Variants in RBMS1 observed in about 807,000 individuals in gnomAD.
RBMS1 encodes RNA-binding motif, single-stranded-interacting protein 1.
RBMS1 carries 17 observed loss-of-function variants against 62.3 expected under a neutral mutation model. The observed-to-expected ratio is 0.27, with a 90% CI of 0.19 to 0.41. RBMS1 has a LOEUF of 0.41. Ranked by LOEUF, RBMS1 falls within the 10% of genes least tolerant of loss-of-function variation. The pLI, the probability that RBMS1 is intolerant of heterozygous loss-of-function variation, is 1.00. For missense variants in RBMS1, 334 were observed against 504.5 expected (o/e 0.66, Z 3.24); for synonymous variants, 172 against 170.0 (o/e 1.01, Z -0.09).
At chr2:160,339,802 C>T (rs761132709) in intron 2 of RBMS1, among the ~76,000 whole-genome samples, 22 of 152,132 alleles carry the variant, frequency 1.4e-4, no homozygotes, top group Non-Finnish European at 2.6e-4. Flanking sequence ...TGAGTAAACA[C>T]ACAGCAACAT....
At chr2:160,379,214 C>A (rs1413530645) in intron 1 of RBMS1, among the ~76,000 whole-genome samples, 3 of 143,546 alleles carry the variant, frequency 2.1e-5, no homozygotes, top group African/African-American at 4.9e-5. Flanking sequence ...AGAGGAAGAA[C>A]CTGTCTTAAA....
chr2:160,398,927 C>T (rs1695295954), intron 1 of RBMS1, among the ~76,000 whole-genome samples: 1 of 152,126 alleles, frequency 6.6e-6, no homozygotes, highest in Admixed American at 6.5e-5. Context: ...TTCACACTGC[C>T]ACATTTTACA....
intron 1 of RBMS1, among the ~76,000 whole-genome samples, chr2:160,393,691 C>T (rs1160420707): frequency 6.6e-6 from 1 of 151,038 alleles, no homozygotes; most frequent in Non-Finnish European, 1.5e-5. Context: ...GCAGGAGACG[C>T]ACTTGAATCT....
rs148336027 is a variant in RBMS1 at position 160,324,749 on chromosome 2, A to C, written c.252-6522T>G. On this transcript the variant is annotated intron_variant, in intron 2 of 13. Transcript: ENST00000348849. Reference sequence around the variant, plus strand: ...ATTGAAATGAGAAAAAGAAGAGAAAAATAAAACATCAACATCAGAAAACTT... The same window carrying C: ...ATTGAAATGAGAAAAAGAAGAGAAACATAAAACATCAACATCAGAAAACTT... 2.5e-4 allele frequency among the ~76,000 whole-genome samples: 38 copies of C among 151,600 alleles called. 1 individual carries two copies. The Middle Eastern group carries it at 0.01, about 41-fold the overall frequency.
chr2:160,388,956 A>G (rs549964858), intron 1 of RBMS1, among the ~76,000 whole-genome samples: 1 of 152,348 alleles, frequency 6.6e-6, no homozygotes, highest in Non-Finnish European at 1.5e-5. Context: ...GCATAGAGTA[A>G]TTTCCACATG....
At chr2:160,362,575 G>A (rs568469365) in intron 2 of RBMS1, among the ~76,000 whole-genome samples, 1 of 152,108 alleles carries the variant, frequency 6.6e-6, no homozygotes, top group Non-Finnish European at 1.5e-5. Flanking sequence ...TCCTATATGG[G>A]AATGGTTTGT....
intron 1 of RBMS1, among the ~76,000 whole-genome samples, chr2:160,441,431 A>C (rs575568850): frequency 6.6e-6 from 1 of 152,350 alleles, no homozygotes; most frequent in African/African-American, 2.4e-5. Context: ...ACGTATGTTT[A>C]ACTTTTAAGA....
chr2:160,389,160 G>T (rs1170132423), intron 1 of RBMS1, among the ~76,000 whole-genome samples: 2 of 152,170 alleles, frequency 1.3e-5, no homozygotes, highest in Non-Finnish European at 2.9e-5. Context: ...TGACCGATAA[G>T]TATACCTAAC....
At chr2:160,342,897 C>T (rs1691958951) in intron 2 of RBMS1, among the ~76,000 whole-genome samples, 1 of 152,058 alleles carries the variant, frequency 6.6e-6, no homozygotes, top group African/African-American at 2.4e-5. Flanking sequence ...GAGATCATGC[C>T]ATCGCATTCC....
intron 1 of RBMS1, among the ~76,000 whole-genome samples, chr2:160,440,562 T>A (rs1024943157): frequency 2.0e-5 from 3 of 151,904 alleles, no homozygotes; most frequent in Non-Finnish European, 4.4e-5. Flanking sequence ...TCCCCATCTC[T>A]CCCCCACCCT....
At position 160,318,229 on chromosome 2, in the gene RBMS1, T is replaced by TAAAAAAAAAAAAA. The variant is rs5835799; in HGVS notation, c.252-15_252-3dup. On this transcript the variant is annotated splice_polypyrimidine_tract_variant and splice_region_variant and intron_variant, in intron 2 of 13. Coordinates refer to ENST00000348849, the MANE Select transcript of RBMS1 (RefSeq NM_016836.4). ...TTTGTGGAGACTATTTTCCCATATC[T>TAAAAAAAAAAAAA]AAAAAAAAAAAAAAAAAAAAAAAGG... 63 of 1,164,690 alleles carry TAAAAAAAAAAAAA rather than the reference T, an allele frequency of 5.4e-5. No individual in the cohort carries two copies. The highest frequency in any genetic ancestry group is 3.3e-4 in the Admixed American group (6 of 18,084). The allele number at this position is 1,164,690 out of a possible 1,614,324, so 72.1% of individuals were successfully genotyped here.
chr2:160,334,108 A>G (rs984051120), intron 2 of RBMS1, among the ~76,000 whole-genome samples: 1 of 152,200 alleles, frequency 6.6e-6, no homozygotes, highest in Non-Finnish European at 1.5e-5. Context: ...GAAATCCTCC[A>G]TCAATGTTCA....
chr2:160,429,438 T>C (rs1295376530), intron 1 of RBMS1, among the ~76,000 whole-genome samples: 1 of 152,232 alleles, frequency 6.6e-6, no homozygotes, highest in African/African-American at 2.4e-5. Flanking sequence ...CTTTTGCCAC[T>C]AGAGGGAGTT....
At chr2:160,391,214 C>T (rs887888245) in intron 1 of RBMS1, among the ~76,000 whole-genome samples, 2 of 148,482 alleles carry the variant, frequency 1.3e-5, no homozygotes, top group Non-Finnish European at 3.0e-5. Flanking sequence ...TGACTGGTAG[C>T]CTTATTAAAA....
chr2:160,327,620 C>A (rs189170087), intron 2 of RBMS1, among the ~76,000 whole-genome samples: 1 of 152,248 alleles, frequency 6.6e-6, no homozygotes, highest in African/African-American at 2.4e-5. Context: ...CACAAAAGGT[C>A]ATTTACATTA....
At chr2:160,374,075 C>A (rs1693869673) in intron 1 of RBMS1, among the ~76,000 whole-genome samples, 1 of 151,968 alleles carries the variant, frequency 6.6e-6, no homozygotes, top group African/African-American at 2.4e-5. Flanking sequence ...GGGGTTGAGA[C>A]CAACCTGAAT....
At position 160,452,311 on chromosome 2, in the gene RBMS1, T is replaced by A. The variant is rs371622946; in HGVS notation, c.75+40978A>T. On this transcript the variant is annotated intron_variant, in intron 1 of 13. Transcript: ENST00000348849. Reference sequence around the variant, plus strand: ...ATGGTGAGCTAATAAGTACAGTCATTCCTCATCCATGGGAGATGGGTTCCA... The same window carrying A: ...ATGGTGAGCTAATAAGTACAGTCATACCTCATCCATGGGAGATGGGTTCCA... Among the ~76,000 whole-genome samples, 12 of 152,282 alleles carry A rather than the reference T, an allele frequency of 7.9e-5. No individual in the cohort carries two copies. The South Asian group carries it at 2.3e-3, about 29-fold the overall frequency.
intron 2 of RBMS1, among the ~76,000 whole-genome samples, chr2:160,323,060 A>C (rs775603480): frequency 1.3e-5 from 2 of 152,162 alleles, no homozygotes; most frequent in Non-Finnish European, 2.9e-5. Context: ...GTTAACATTT[A>C]ATCTAATTCT....
chr2:160,424,369 G>GGC (rs1553522157), intron 1 of RBMS1, among the ~76,000 whole-genome samples: 2 of 149,504 alleles, frequency 1.3e-5, no homozygotes, highest in Non-Finnish European at 3.0e-5. Context: ...AGAGATTGGG[G>GGC]GGGGGGGGAA....
Sources: allele counts gnomAD v4.1 joint callset (sites outside exome capture counted in the v4.1 genomes callset), GRCh38; gene constraint gnomAD v4.1.1; transcripts MANE v1.5; gene names NCBI Gene and HGNC (gene_info 2026-07-23, HGNC 2026-07-21).